The following NRXN1 variants were observed in gnomAD, a reference collection of about 807,000 sequenced individuals.
NRXN1 encodes the protein neurexin 1.
A neutral mutation model predicts 150.9 loss-of-function variants in NRXN1; 39 were observed. The observed-to-expected ratio is 0.26, with a 90% CI of 0.20 to 0.34. The LOEUF is 0.34. Among genes scored for constraint, NRXN1 ranks in the 10% least tolerant of loss-of-function variants. The pLI is 1.00. For synonymous variants in NRXN1, 924 were observed against 757.0 expected (o/e 1.22, Z -3.62); for missense variants, 1,815 against 1,949.9 (o/e 0.93, Z 1.30).
At chr2:50,387,711 G>A (rs923907104) in intron 17 of NRXN1, among the ~76,000 whole-genome samples, 6 of 152,126 alleles carry the variant, frequency 3.9e-5, no homozygotes, top group East Asian at 1.9e-4. Flanking sequence ...GCTTCTCTTC[G>A]GGGAATCTGT....
intron 8 of NRXN1, among the ~76,000 whole-genome samples, chr2:50,559,104 T>C (rs1668679153): frequency 6.6e-6 from 1 of 152,070 alleles, no homozygotes; most frequent in Admixed American, 6.5e-5. Flanking sequence ...AATAAATAAA[T>C]AAATATCAAG....
chr2:50,934,574 A>G (rs1010697929), intron 2 of NRXN1, among the ~76,000 whole-genome samples: 1 of 152,216 alleles, frequency 6.6e-6, no homozygotes, highest in African/African-American at 2.4e-5. Context: ...CAGGCTGGAC[A>G]GCACAAATTG....
At chr2:51,012,749 T>G (rs543956445) in intron 2 of NRXN1, among the ~76,000 whole-genome samples, 27 of 152,054 alleles carry the variant, frequency 1.8e-4, no homozygotes, top group Non-Finnish European at 3.2e-4. Flanking sequence ...GGGTCAAAGA[T>G]GAGGCTAGAT....
chr2:50,051,909 CGAAAA>C (rs745480753), intron 21 of NRXN1, among the ~76,000 whole-genome samples: 4 of 151,736 alleles, frequency 2.6e-5, no homozygotes, highest in Non-Finnish European at 5.9e-5. Context: ...AAATAGGAAA[CGAAAA>C]GAAAAGAGAG....
intron 18 of NRXN1, among the ~76,000 whole-genome samples, chr2:50,204,108 A>C (rs1157640524): frequency 6.6e-6 from 1 of 152,122 alleles, no homozygotes; most frequent in East Asian, 1.9e-4. Flanking sequence ...TCCAATAATC[A>C]GTCTTTCGCC....
At chr2:50,492,892 C>A (rs2091339114) in intron 15 of NRXN1, among the ~76,000 whole-genome samples, 1 of 151,420 alleles carries the variant, frequency 6.6e-6, no homozygotes, top group Admixed American at 6.6e-5. Flanking sequence ...GAAATAATGG[C>A]ATCTCTATCA....
rs1355360757 is a variant in NRXN1, at chr2:51,027,849, G to C, written c.425C>G (p.Ser142Cys). 1.2e-6 allele frequency: 2 copies of C among 1,613,222 alleles called. No homozygotes were observed. The highest frequency in any genetic ancestry group is 2.2e-5 in the East Asian group (1 of 44,836). Reference protein sequence around the residue: ...QVEAKWVEVKSKRRDMTVFSG... With the variant: ...QVEAKWVEVKCKRRDMTVFSG... ...GAACACCGTCATGTCCCTGCGCTTGGACTTGACCTCCACCCACTTGGCCTC... is the reference window on the plus strand; with the variant it reads ...GAACACCGTCATGTCCCTGCGCTTGCACTTGACCTCCACCCACTTGGCCTC... Residue 142 changes from serine to cysteine, a missense_variant, in exon 2 of 23, where the codon TCC becomes TGC. Ser to Cys is a moderately radical substitution (Grantham distance 112, BLOSUM62 -1). This residue lies in a region of NRXN1 where 554 missense variants were observed against 478.8 expected (regional missense o/e 1.16). Coordinates refer to ENST00000401669, the MANE Select transcript of NRXN1 (RefSeq NM_001330078.2).
chr2:50,994,208 G>C (rs1229205876), intron 2 of NRXN1, among the ~76,000 whole-genome samples: 7 of 151,882 alleles, frequency 4.6e-5, no homozygotes, highest in Non-Finnish European at 8.8e-5. Context: ...TGATCTTAGA[G>C]TCTGTACAAT....
At chr2:50,952,788 C>T (rs1691612643) in intron 2 of NRXN1, among the ~76,000 whole-genome samples, 2 of 152,106 alleles carry the variant, frequency 1.3e-5, no homozygotes, top group South Asian at 2.1e-4. Context: ...AATCATACTC[C>T]CCCTTTCGTC....
chr2:50,288,630 A>G (rs182789680), intron 17 of NRXN1, among the ~76,000 whole-genome samples: 28 of 152,294 alleles, frequency 1.8e-4, no homozygotes, highest in African/African-American at 6.7e-4. Context: ...CACATCTTAC[A>G]TGGTAGCAGG....
chr2:50,589,061 G>C (rs1346155773), intron 8 of NRXN1: 1 of 152,152 alleles, frequency 6.6e-6, no homozygotes, highest in African/African-American at 2.4e-5. Flanking sequence ...ATAGACTTTG[G>C]GGTGACCGAA....
Position 50,900,373 on chromosome 2 carries a change from C to T in NRXN1, c.832+21496G>A, listed in dbSNP as rs562770937. ...AGTTCACCCTTTAAGGACAGTAGTT[C>T]TAGAACCCGTAGTATGTACTTGGGA... On this transcript the variant is annotated intron_variant, in intron 5 of 22. Coordinates refer to ENST00000401669, the MANE Select transcript of NRXN1 (RefSeq NM_001330078.2). 1.8e-4 allele frequency among the ~76,000 whole-genome samples: 28 copies of T among 152,288 alleles called. No homozygotes were observed. The South Asian group carries it at 5.4e-3, about 29-fold the overall frequency.
chr2:50,183,948 G>A (rs574654922), intron 18 of NRXN1, among the ~76,000 whole-genome samples: 33 of 152,024 alleles, frequency 2.2e-4, no homozygotes, highest in Non-Finnish European at 3.8e-4. Context: ...AAACTCCTTA[G>A]CTCGAAATTA....
intron 18 of NRXN1, among the ~76,000 whole-genome samples, chr2:50,092,427 C>A (rs1030589009): frequency 1.3e-5 from 2 of 152,194 alleles, no homozygotes; most frequent in Non-Finnish European, 2.9e-5. Context: ...GCACAGAATA[C>A]CTGTGCTGTA....
intron 5 of NRXN1, among the ~76,000 whole-genome samples, chr2:50,907,198 CA>C (rs925492490): frequency 6.8e-6 from 1 of 147,760 alleles, no homozygotes; most frequent in African/African-American, 2.5e-5. Flanking sequence ...AAAAAAAAAA[CA>C]AAAAAATAAA....
At chr2:50,234,929 G>A (rs2065278044) in intron 18 of NRXN1, among the ~76,000 whole-genome samples, 1 of 151,952 alleles carries the variant, frequency 6.6e-6, no homozygotes, top group Non-Finnish European at 1.5e-5. Context: ...ACTTATGACA[G>A]GACCCTAAGA....
chr2:50,919,043 C>T (rs888382559), intron 5 of NRXN1: 1 of 151,792 alleles, frequency 6.6e-6, no homozygotes, highest in Non-Finnish European at 1.5e-5. Flanking sequence ...AACAGACTGA[C>T]TCTAAAGTTT....
In NRXN1 at chr2:50,004,654, C is replaced by G. The variant is rs77117792; in HGVS notation, c.4128+48617G>C. Among the ~76,000 whole-genome samples the G allele has an allele frequency of 4.8e-3, 737 of 152,162 alleles. 8 individuals carry two copies. The highest frequency in any genetic ancestry group is 0.017 in the African/African-American group (693 of 41,516). On this transcript the variant is annotated intron_variant, in intron 21 of 22. Coordinates refer to ENST00000401669, the MANE Select transcript of NRXN1 (RefSeq NM_001330078.2). ...TATATACACTTTCTACCTTCCTTTGCCTCCCAAATCAACAACCTGAAGGTA... is the reference window on the plus strand; with the variant it reads ...TATATACACTTTCTACCTTCCTTTGGCTCCCAAATCAACAACCTGAAGGTA...
intron 17 of NRXN1, among the ~76,000 whole-genome samples, chr2:50,336,715 T>C (rs1042318671): frequency 7.9e-5 from 12 of 152,180 alleles, no homozygotes; most frequent in Non-Finnish European, 1.8e-4. Context: ...TAAACATTAA[T>C]AAACATCTTA....
Sources: gnomAD v4.1 joint callset for allele counts (sites outside exome capture counted in the v4.1 genomes callset) on GRCh38, gnomAD v4.1.1 for gene constraint, gnomAD v4.1.1 regional missense constraint, MANE v1.5 for transcripts, NCBI Gene and HGNC (gene_info 2026-07-23, HGNC 2026-07-21) for gene names.